BICD1: variants seen among roughly 807,000 people sequenced by gnomAD.
BICD1 encodes the protein protein bicaudal D homolog 1.
Under a neutral mutation model 92.5 loss-of-function variants are expected in BICD1, and 35 were observed. The ratio of observed to expected loss-of-function variants is 0.38; its 90% CI spans 0.29 to 0.50. BICD1 has a LOEUF of 0.50. BICD1 is among the 20% of genes least tolerant of loss of function. The probability of loss-of-function intolerance (pLI) is 0.93; values close to 1 mark genes in which losing one functional copy is unlikely to be tolerated. For missense variants in BICD1, 950 were observed against 1,189.8 expected, an observed-to-expected ratio of 0.80 and a Z score of 2.97; for synonymous variants, 429 against 465.1, an observed-to-expected ratio of 0.92 and a Z score of 1.00.
At chr12:32,306,151 T>A in intron 4 of BICD1, 29 bp downstream of exon 4, 2 of 1,527,336 alleles carry the variant, frequency 1.3e-6, no homozygotes. Context: ...GCCGCTAGAG[T>A]GAATTTCTTG....
intron 1 of BICD1, among the ~76,000 whole-genome samples, chr12:32,209,662 C>T (rs1463775259): frequency 2.6e-5 from 4 of 152,090 alleles, no homozygotes; most frequent in South Asian, 2.1e-4. Context: ...TTTAAAGAGG[C>T]GTCATGGCAG....
At chr12:32,120,019 T>C (rs1365882233) in intron 1 of BICD1, among the ~76,000 whole-genome samples, 1 of 152,238 alleles carries the variant, frequency 6.6e-6, no homozygotes, top group Non-Finnish European at 1.5e-5. Flanking sequence ...CTTAACTGCA[T>C]TAGACAGAGA....
At position 32,328,605 on chromosome 12, in the gene BICD1, A is replaced by G; in HGVS notation, c.2100+50A>G. On this transcript the variant is annotated intron_variant, in intron 5 of 9. Coordinates refer to ENST00000652176, the MANE Select transcript of BICD1 (RefSeq NM_001714.4). This position sits in a 1 kb window ranked among gnomAD's most constrained non-coding sequence, Gnocchi z 4.4. ...CATGCCAGTCAAAGCTTTCTTAACTAATTTATTCCCTAATTTTATTGAGTA... is the reference window on the plus strand; with the variant it reads ...CATGCCAGTCAAAGCTTTCTTAACTGATTTATTCCCTAATTTTATTGAGTA... 6.4e-7 allele frequency: 1 copy of G among 1,554,746 alleles called. No individual in the cohort carries two copies. Among genetic ancestry groups the G allele is most frequent in the South Asian group, 1.2e-5 (1 of 81,348 alleles).
At chr12:32,260,523 A>G (rs939387868) in intron 2 of BICD1, among the ~76,000 whole-genome samples, 1 of 152,310 alleles carries the variant, frequency 6.6e-6, no homozygotes, top group South Asian at 2.1e-4. Flanking sequence ...GCATTCATAT[A>G]TAGGTATAGA....
intron 1 of BICD1, among the ~76,000 whole-genome samples, chr12:32,182,561 G>A (rs1362453910): frequency 6.6e-6 from 1 of 151,582 alleles, no homozygotes; most frequent in African/African-American, 2.4e-5. Flanking sequence ...GGAAATATAG[G>A]CATGAGCCAC....
intron 2 of BICD1, among the ~76,000 whole-genome samples, chr12:32,222,742 G>A (rs1404887630): frequency 6.6e-6 from 1 of 152,186 alleles, no homozygotes; most frequent in Non-Finnish European, 1.5e-5. Context: ...AATGAGATTA[G>A]CGAGTTTATA....
intron 1 of BICD1, among the ~76,000 whole-genome samples, chr12:32,159,851 G>C (rs1362890003): frequency 7.4e-6 from 1 of 134,794 alleles, no homozygotes; most frequent in African/African-American, 2.6e-5. Flanking sequence ...ATTTCTACCT[G>C]TAGTTTGGGT....
intron 2 of BICD1, among the ~76,000 whole-genome samples, chr12:32,274,298 C>T (rs886537468): frequency 1.3e-5 from 2 of 152,118 alleles, no homozygotes; most frequent in African/African-American, 2.4e-5. Flanking sequence ...TTAATAAGAA[C>T]ATCAGAACTG....
chr12:32,288,807 A>G (rs1476345016), intron 2 of BICD1, among the ~76,000 whole-genome samples: 2 of 152,016 alleles, frequency 1.3e-5, no homozygotes, highest in African/African-American at 4.8e-5. Flanking sequence ...CGGAGGTTGC[A>G]GTGAGCCAAG....
At chr12:32,344,310 A>G (rs1592701490) in intron 8 of BICD1, among the ~76,000 whole-genome samples, 1 of 152,236 alleles carries the variant, frequency 6.6e-6, no homozygotes, top group South Asian at 2.1e-4. Flanking sequence ...TGAGCTCAGC[A>G]CTACAACCTG....
chr12:32,230,189 C>T (rs903887399), intron 2 of BICD1, among the ~76,000 whole-genome samples: 1 of 151,838 alleles, frequency 6.6e-6, no homozygotes, highest in Non-Finnish European at 1.5e-5. Context: ...GAGAGTGAAC[C>T]GTAGGAGTCA....
At chr12:32,343,342 T>TCCTCCTCCGTCCCCTCTTCCTCC (rs1565685328) in intron 8 of BICD1, among the ~76,000 whole-genome samples, 4 of 151,714 alleles carry the variant, frequency 2.6e-5, no homozygotes, top group East Asian at 1.9e-4. Context: ...CCTCTTCCTC[T>TCCTCCTCCGTCCCCTCTTCCTCC]TCCTCCTCCG....
intron 1 of BICD1, among the ~76,000 whole-genome samples, chr12:32,116,387 G>A (rs1941890099): frequency 6.6e-6 from 1 of 151,406 alleles, no homozygotes; most frequent in South Asian, 2.1e-4. Flanking sequence ...TGGTCACTCA[G>A]TTCTAGCCAA....
At chr12:32,176,343 G>GA (rs59143284) in intron 1 of BICD1, among the ~76,000 whole-genome samples, 2,597 of 152,254 alleles carry the variant, frequency 0.017, 105 homozygotes, top group East Asian at 0.17. Context: ...AGTAATGTAT[G>GA]AGGGTTCCTA....
chr12:32,216,112 G>T, intron 1 of BICD1, 135 bp from the exon 2 acceptor site: 1 of 704,086 alleles, frequency 1.4e-6, no homozygotes. Flanking sequence ...AGAGCTGCTA[G>T]ACTGTTATAT....
intron 1 of BICD1, among the ~76,000 whole-genome samples, chr12:32,118,570 T>A (rs765739729): frequency 2.0e-5 from 3 of 152,194 alleles, no homozygotes; most frequent in Non-Finnish European, 2.9e-5. Context: ...TTACATAGCA[T>A]TTACATCGTA....
rs1296331217 is a variant in BICD1, at chr12:32,184,445, C to T, written c.214-31802C>T. On this transcript the variant is annotated intron_variant, in intron 1 of 9. Coordinates refer to ENST00000652176, the MANE Select transcript of BICD1 (RefSeq NM_001714.4). ...GGGATTACAGACGCATGCCACCACG[C>T]CCAGCTAATTTTTGTATCTTTATTA... Among the ~76,000 whole-genome samples, 3 of 152,094 alleles carry T rather than the reference C, an allele frequency of 2.0e-5. No homozygotes were observed. In the East Asian group the frequency reaches 5.8e-4, roughly 29 times the overall value.
intron 4 of BICD1, among the ~76,000 whole-genome samples, chr12:32,306,523 G>A (rs531243696): frequency 1.6e-4 from 25 of 152,160 alleles, no homozygotes; most frequent in South Asian, 8.3e-4. Flanking sequence ...GATTACAGGC[G>A]TGAGCCACCG....
At chr12:32,350,170 T>C (rs1938800866) in intron 8 of BICD1, among the ~76,000 whole-genome samples, 1 of 152,170 alleles carries the variant, frequency 6.6e-6, no homozygotes, top group African/African-American at 2.4e-5. Flanking sequence ...GGCTTGCTAC[T>C]TCCCATTCCT....
Sources: allele counts gnomAD v4.1 joint callset (sites outside exome capture counted in the v4.1 genomes callset), GRCh38; gene constraint gnomAD v4.1.1; non-coding constraint Gnocchi (gnomAD v3.1); transcripts MANE v1.5; gene names NCBI Gene and HGNC (gene_info 2026-07-23, HGNC 2026-07-21).